Variants in ZFAND3 observed in about 807,000 individuals in gnomAD.
ZFAND3 encodes the protein AN1-type zinc finger protein 3.
ZFAND3 carries 10 observed loss-of-function variants against 29.6 expected under a neutral mutation model. That is an observed-to-expected ratio of 0.34 (90% CI 0.21 to 0.57). The LOEUF (loss-of-function observed/expected upper bound fraction) is 0.57. ZFAND3 is among the 20% of genes least tolerant of loss of function. The pLI is 0.86. For missense variants in ZFAND3, 230 were observed against 304.5 expected, an observed-to-expected ratio of 0.76 and a Z score of 1.82; for synonymous variants, 128 against 112.6, an observed-to-expected ratio of 1.14 and a Z score of -0.87.
intron 4 of ZFAND3, among the ~76,000 whole-genome samples, chr6:38,108,807 T>G (rs1428683231): frequency 6.6e-6 from 1 of 152,188 alleles, no homozygotes; most frequent in Non-Finnish European, 1.5e-5. Context: ...TAGGCATCCC[T>G]TAGTCCAATC....
intron 1 of ZFAND3, among the ~76,000 whole-genome samples, chr6:37,880,657 T>C (rs1284479677): frequency 2.0e-5 from 3 of 152,166 alleles, no homozygotes; most frequent in African/African-American, 7.2e-5. Flanking sequence ...AAAACATCTT[T>C]CATGAAGGAT....
chr6:38,042,984 T>TA (rs1054387402), intron 2 of ZFAND3, among the ~76,000 whole-genome samples: 3 of 152,110 alleles, frequency 2.0e-5, no homozygotes, highest in African/African-American at 7.2e-5. Context: ...TTTGCTCGGA[T>TA]AAAAAAATAA....
At chr6:37,843,392 C>T (rs1237612632) in intron 1 of ZFAND3, among the ~76,000 whole-genome samples, 1 of 151,118 alleles carries the variant, frequency 6.6e-6, no homozygotes, top group Admixed American at 6.6e-5. Flanking sequence ...GAGGCTGAGG[C>T]GGGAGAATGG....
At chr6:37,882,564 A>G (rs375712820) in intron 1 of ZFAND3, among the ~76,000 whole-genome samples, 7 of 152,274 alleles carry the variant, frequency 4.6e-5, no homozygotes, top group Admixed American at 1.3e-4. Flanking sequence ...TGTAATTCCC[A>G]TATAATTGGG....
intron 1 of ZFAND3, among the ~76,000 whole-genome samples, chr6:37,841,262 T>TC (rs965891261): frequency 2.0e-5 from 3 of 152,206 alleles, no homozygotes; most frequent in Non-Finnish European, 4.4e-5. Context: ...GATTTTCTCC[T>TC]CCCCCATAAC....
chr6:37,996,720 A>G (rs1180381521), intron 2 of ZFAND3, among the ~76,000 whole-genome samples: 1 of 152,162 alleles, frequency 6.6e-6, no homozygotes, highest in Non-Finnish European at 1.5e-5. Flanking sequence ...CATTTTCTGT[A>G]TATTTTCCTT....
intron 4 of ZFAND3, among the ~76,000 whole-genome samples, chr6:38,087,870 GTA>G (rs1764788110): frequency 6.6e-6 from 1 of 152,134 alleles, no homozygotes; most frequent in East Asian, 1.9e-4. Flanking sequence ...TACTGAAGTG[GTA>G]TCTGCACTCC....
chr6:37,893,179 G>A, intron 1 of ZFAND3, among the ~76,000 whole-genome samples: 1 of 152,260 alleles, frequency 6.6e-6, no homozygotes, highest in East Asian at 1.9e-4. Context: ...GAATATGTAT[G>A]CCAAAATCCT....
At position 38,076,196 on chromosome 6, in the gene ZFAND3, A is replaced by C. The variant is rs182779147; in HGVS notation, c.296-6196A>C. ...ATCACTGAAGACTCAGATGATCATT[A>C]GCATTTTTTTTAGAAATAAAGTTTT... On this transcript the variant is annotated intron_variant, in intron 3 of 5. Coordinates refer to ENST00000287218, the MANE Select transcript of ZFAND3 (RefSeq NM_021943.3). Among the ~76,000 whole-genome samples the C allele has an allele frequency of 4.7e-3, 606 of 128,832 alleles. 6 individuals are homozygous for C. The highest frequency in any genetic ancestry group is 0.015 in the African/African-American group (585 of 38,536). The allele number at this position is 128,832 out of a possible 152,430, so 84.5% of individuals were successfully genotyped here. A position where few individuals can be genotyped will look rare whatever the true frequency, so the allele number is the denominator to read the frequency against.
At chr6:37,965,550 C>T (rs1307981370) in intron 2 of ZFAND3, among the ~76,000 whole-genome samples, 1 of 141,756 alleles carries the variant, frequency 7.1e-6, no homozygotes, top group Non-Finnish European at 1.5e-5. Flanking sequence ...TCCACTGCTT[C>T]CCAGGTGAGG....
intron 2 of ZFAND3, among the ~76,000 whole-genome samples, chr6:37,968,397 ATGCAGACCCCTCCT>A (rs1382673944): frequency 6.6e-6 from 1 of 151,398 alleles, no homozygotes; most frequent in Non-Finnish European, 1.5e-5. Context: ...CGAATACTAG[ATGCAGACCCCTCCT>A]TGGAAGGGTG....
chr6:37,847,922 A>T (rs531446984), intron 1 of ZFAND3, among the ~76,000 whole-genome samples: 1 of 152,246 alleles, frequency 6.6e-6, no homozygotes, highest in Non-Finnish European at 1.5e-5. Context: ...TTTGTGCTAC[A>T]GTGACAGAAT....
chr6:37,976,259 G>T (rs1167199040), intron 2 of ZFAND3, among the ~76,000 whole-genome samples: 1 of 152,114 alleles, frequency 6.6e-6, no homozygotes, highest in Non-Finnish European at 1.5e-5. Context: ...CTATAAAGAT[G>T]TATTAGTCCA....
chr6:37,949,390 A>G (rs892169838), intron 2 of ZFAND3, among the ~76,000 whole-genome samples: 1 of 151,348 alleles, frequency 6.6e-6, no homozygotes, highest in Non-Finnish European at 1.5e-5. Flanking sequence ...CATTTATGCA[A>G]AGAAAACTCC....
At chr6:37,972,126 C>T (rs1182394775) in intron 2 of ZFAND3, among the ~76,000 whole-genome samples, 1 of 152,164 alleles carries the variant, frequency 6.6e-6, no homozygotes, top group African/African-American at 2.4e-5. Context: ...CAGCCTCTCT[C>T]CTATTTATTT....
intron 1 of ZFAND3, among the ~76,000 whole-genome samples, chr6:37,901,656 T>C (rs1205663142): frequency 1.3e-5 from 2 of 152,172 alleles, no homozygotes; most frequent in Non-Finnish European, 2.9e-5. Flanking sequence ...CTTTCTAATA[T>C]GGAAATGAAA....
chr6:37,989,604 C>CGGG lies in ZFAND3; in HGVS notation c.112+59605_112+59606insGGG, dbSNP rs1561957906. On this transcript the variant is annotated intron_variant, in intron 2 of 5. Coordinates refer to ENST00000287218, the MANE Select transcript of ZFAND3 (RefSeq NM_021943.3). ...CTTTAACATACGAATTTTGGGGGGA[C>CGGG]ACAAACATTCAGTCCGTAGCAATAG... is the stretch of plus-strand genomic sequence containing the variant. 8.5e-5 allele frequency among the ~76,000 whole-genome samples: 13 copies of CGGG among 152,198 alleles called. No individual in the cohort carries two copies. The East Asian group carries it at 1.7e-3, about 20-fold the overall frequency.
Position 38,063,374 on chromosome 6 carries a change from A to G in ZFAND3, c.295+1599A>G, listed in dbSNP as rs74466764. Among the ~76,000 whole-genome samples the G allele has an allele frequency of 0.017, 2,587 of 152,280 alleles. 253 individuals are homozygous for G. In the East Asian group the frequency reaches 0.28, roughly 16 times the overall value. On this transcript the variant is annotated intron_variant, in intron 3 of 5. Coordinates refer to ENST00000287218, the MANE Select transcript of ZFAND3 (RefSeq NM_021943.3). The stretch of plus-strand genomic sequence containing the variant: ...ATCTCCCACCCCACAGCCCCAGAAC[A>G]TTTGATAATGTCTGGAGACCAGGAA...
chr6:37,901,329 T>C (rs946436309), intron 1 of ZFAND3, among the ~76,000 whole-genome samples: 4 of 152,226 alleles, frequency 2.6e-5, no homozygotes, highest in Non-Finnish European at 5.9e-5. Flanking sequence ...AACCTTTTAC[T>C]GTTATTTTAA....
Sources: gnomAD v4.1 joint callset for allele counts (sites outside exome capture counted in the v4.1 genomes callset) on GRCh38, gnomAD v4.1.1 for gene constraint, MANE v1.5 for transcripts, NCBI Gene and HGNC (gene_info 2026-07-23, HGNC 2026-07-21) for gene names.